The following NF2 variants were observed in gnomAD, a reference collection of about 807,000 sequenced individuals.
The protein encoded by NF2 is NF2, moesin-ezrin-radixin like (MERLIN) tumor suppressor.
NF2 carries 8 observed loss-of-function variants against 83.7 expected under a neutral mutation model. That is an observed-to-expected ratio of 0.10 (90% CI 0.06 to 0.17). NF2 has a LOEUF of 0.17. Ranked by LOEUF, NF2 falls within the 10% of genes least tolerant of loss-of-function variation. NF2 has a pLI of 1.00. For missense variants in NF2, 533 were observed against 744.4 expected (o/e 0.72, Z 3.31); for synonymous variants, 266 against 269.6 (o/e 0.99, Z 0.13).
chr22:29,676,871 A>G (rs1395059123), intron 13 of NF2, among the ~76,000 whole-genome samples: 1 of 134,350 alleles, frequency 7.4e-6, no homozygotes, highest in Non-Finnish European at 1.7e-5. Context: ...TATGATGTGT[A>G]ACATACACAT....
chr22:29,638,507 C>T (rs1008486659), intron 2 of NF2, among the ~76,000 whole-genome samples: 1 of 152,042 alleles, frequency 6.6e-6, no homozygotes, highest in South Asian at 2.1e-4. Flanking sequence ...TCCACCACCA[C>T]ACCTGGCTAA....
At position 29,647,631 on chromosome 22, in the gene NF2, A is replaced by G. The variant is rs11703543; in HGVS notation, c.447+5346A>G. Among the ~76,000 whole-genome samples the G allele has an allele frequency of 4.5e-3, 692 of 152,242 alleles. 3 individuals carry two copies. Among genetic ancestry groups the G allele is most frequent in the Non-Finnish European group, 6.5e-3 (442 of 68,006 alleles). On this transcript the variant is annotated intron_variant, in intron 4 of 15. Coordinates refer to ENST00000338641, the MANE Select transcript of NF2 (RefSeq NM_000268.4). ...ATTTAAAAATATCCAGGAGATAAAA[A>G]GTTGATTAGATGGTGCTATACTCTG... is the stretch of plus-strand genomic sequence containing the variant.
chr22:29,620,348 G>A (rs889374103), intron 1 of NF2, among the ~76,000 whole-genome samples: 1 of 152,196 alleles, frequency 6.6e-6, no homozygotes, highest in Non-Finnish European at 1.5e-5. Context: ...TTGAGCCCAG[G>A]AGTTCGAGGC....
chr22:29,649,944 A>G (rs2066097310), intron 4 of NF2, among the ~76,000 whole-genome samples: 1 of 152,216 alleles, frequency 6.6e-6, no homozygotes, highest in African/African-American at 2.4e-5. Context: ...ATTCTCCATG[A>G]TGTGATTATT....
At chr22:29,666,836 C>T (rs944093782) in intron 9 of NF2, among the ~76,000 whole-genome samples, 3 of 151,902 alleles carry the variant, frequency 2.0e-5, no homozygotes, top group African/African-American at 4.8e-5. Context: ...ATTAGCTGGG[C>T]GTGGTGGCGC....
intron 13 of NF2, among the ~76,000 whole-genome samples, chr22:29,676,684 ACTGAACATCC>A (rs1485206518): frequency 6.6e-6 from 1 of 152,306 alleles, no homozygotes; most frequent in East Asian, 1.9e-4. Context: ...ACAAAATGAC[ACTGAACATCC>A]CTGAACACAA....
chr22:29,681,415 T>A lies in NF2; in HGVS notation c.1575-24T>A. The A allele has an allele frequency of 1.2e-6, 2 of 1,613,218 alleles. No homozygotes were observed. The highest frequency in any genetic ancestry group is 3.3e-5 in the Admixed American group (2 of 60,002). ...GTCTCACTGTCTGCCCAAGCCCTGA[T>A]GCATGATACCCTCTTGCCGGCAGAG... On this transcript the variant is annotated intron_variant, in intron 14 of 15. Transcript: ENST00000338641.
intron 4 of NF2, among the ~76,000 whole-genome samples, chr22:29,654,440 A>G (rs562639084): frequency 6.6e-6 from 1 of 152,328 alleles, no homozygotes; most frequent in Non-Finnish European, 1.5e-5. Context: ...CACATCACCC[A>G]TCCATCTCTT....
intron 1 of NF2, among the ~76,000 whole-genome samples, chr22:29,622,405 A>G (rs2065237022): frequency 6.6e-6 from 1 of 152,210 alleles, no homozygotes; most frequent in African/African-American, 2.4e-5. Context: ...GGCTTATGTT[A>G]TAACAGTTAA....
intron 1 of NF2, among the ~76,000 whole-genome samples, chr22:29,611,153 AT>A (rs1225045308): frequency 1.3e-5 from 2 of 152,218 alleles, no homozygotes; most frequent in Non-Finnish European, 2.9e-5. Flanking sequence ...AAAACACTAA[AT>A]AAACTAAGAA....
At chr22:29,669,885 G>A (rs1252944301) in intron 10 of NF2, among the ~76,000 whole-genome samples, 2 of 152,192 alleles carry the variant, frequency 1.3e-5, no homozygotes, top group Non-Finnish European at 2.9e-5. Context: ...ATGAAGGGAC[G>A]TATATTACAC....
rs546797350 is a variant in NF2 at position 29,637,034 on chromosome 22, C to T, written c.240+158C>T. 12 of 1,088,658 alleles carry T rather than the reference C, an allele frequency of 1.1e-5. No individual in the cohort carries two copies. In the Admixed American group the frequency reaches 2.0e-4, roughly 18 times the overall value. The allele number at this position is 1,088,658 out of a possible 1,614,324, so 67.4% of individuals were successfully genotyped here. On this transcript the variant is annotated intron_variant, in intron 2 of 15. Transcript: ENST00000338641. The stretch of plus-strand genomic sequence containing the variant: ...ATGCAGAAAGCAGGACGTAGAGATG[C>T]TACCAGTTTCCTTCTCCTCACAGGC...
intron 9 of NF2, among the ~76,000 whole-genome samples, chr22:29,666,297 C>T (rs370822855): frequency 3.9e-5 from 6 of 152,194 alleles, no homozygotes; most frequent in South Asian, 2.1e-4. Context: ...GCCACTACCA[C>T]GCCCGGCTAA....
intron 4 of NF2, among the ~76,000 whole-genome samples, chr22:29,643,700 A>G (rs1024175011): frequency 3.3e-5 from 5 of 152,214 alleles, no homozygotes; most frequent in Non-Finnish European, 5.9e-5. Flanking sequence ...CTTTCTACAC[A>G]GACACGGCAA....
intron 4 of NF2, among the ~76,000 whole-genome samples, chr22:29,650,259 C>A (rs915398924): frequency 6.6e-6 from 1 of 152,102 alleles, no homozygotes; most frequent in Non-Finnish European, 1.5e-5. Flanking sequence ...ATAGCCAAAT[C>A]ACCCTCCAAA....
chr22:29,646,973 T>G (rs2146929775), intron 4 of NF2, among the ~76,000 whole-genome samples: 1 of 150,036 alleles, frequency 6.7e-6, no homozygotes, highest in Non-Finnish European at 1.5e-5. Context: ...GAGGTGGAGG[T>G]TACAGTGAGC....
intron 1 of NF2, among the ~76,000 whole-genome samples, chr22:29,632,073 T>C (rs1453724958): frequency 1.2e-4 from 19 of 152,242 alleles, no homozygotes; most frequent in Non-Finnish European, 2.8e-4. Flanking sequence ...ACCAGATAAC[T>C]TTCTGTGTTT....
At chr22:29,683,889 C>T (rs1387476014) in intron 15 of NF2, 2 of 1,046,790 alleles carry the variant, frequency 1.9e-6, no homozygotes. Flanking sequence ...GTATTTTGCC[C>T]AATAATAAAA....
chr22:29,610,657 AAG>A (rs1491138448), intron 1 of NF2, among the ~76,000 whole-genome samples: 7 of 151,782 alleles, frequency 4.6e-5, no homozygotes, highest in Non-Finnish European at 2.9e-5. Context: ...AAAAAAAAAA[AAG>A]AAGAAAGAAA....
Sources: allele counts gnomAD v4.1 joint callset (sites outside exome capture counted in the v4.1 genomes callset), GRCh38; gene constraint gnomAD v4.1.1; transcripts MANE v1.5; gene names NCBI Gene and HGNC (gene_info 2026-07-23, HGNC 2026-07-21).